Variants in CHRM3 observed in about 807,000 individuals in gnomAD.
The protein encoded by CHRM3 is muscarinic acetylcholine receptor M3.
In CHRM3, 11 loss-of-function variants were observed where a neutral mutation model predicts 41.8. That is an observed-to-expected ratio of 0.26 (90% CI 0.17 to 0.44). The LOEUF (loss-of-function observed/expected upper bound fraction) is 0.44, where lower values mean the gene tolerates loss of function less well. Among genes scored for constraint, CHRM3 ranks in the 20% least tolerant of loss-of-function variants. The probability of loss-of-function intolerance (pLI) is 1.00; values close to 1 mark genes in which losing one functional copy is unlikely to be tolerated. For missense variants in CHRM3, 571 were observed against 745.4 expected (o/e 0.77, Z 2.72); for synonymous variants, 297 against 301.4 (o/e 0.99, Z 0.15).
intron 6 of CHRM3, among the ~76,000 whole-genome samples, chr1:239,863,425 C>T (rs1675807845): frequency 6.6e-6 from 1 of 152,148 alleles, no homozygotes; most frequent in Non-Finnish European, 1.5e-5. Context: ...ACTCACAATG[C>T]CCAAGAGAGC....
intron 5 of CHRM3, among the ~76,000 whole-genome samples, chr1:239,772,049 T>C (rs530487570): frequency 6.6e-6 from 1 of 152,300 alleles, no homozygotes; most frequent in South Asian, 2.1e-4. Context: ...TGCGTAAAAT[T>C]GAAAAGTCCA....
intron 3 of CHRM3, among the ~76,000 whole-genome samples, chr1:239,619,095 A>C (rs1361862595): frequency 1.3e-5 from 2 of 151,478 alleles, no homozygotes; most frequent in African/African-American, 4.8e-5. Flanking sequence ...TTGTATTTTT[A>C]GTAGAGATGG....
intron 6 of CHRM3, among the ~76,000 whole-genome samples, chr1:239,896,980 G>C (rs755274244): frequency 3.9e-5 from 6 of 152,100 alleles, no homozygotes; most frequent in African/African-American, 9.7e-5. Flanking sequence ...AAACTGCTGT[G>C]GGCCAGTCAG....
intron 6 of CHRM3, among the ~76,000 whole-genome samples, chr1:239,844,325 A>G (rs934805787): frequency 2.0e-5 from 3 of 152,144 alleles, no homozygotes; most frequent in African/African-American, 7.2e-5. Context: ...TAGGGATTTG[A>G]TATTTTTGGT....
intron 5 of CHRM3, among the ~76,000 whole-genome samples, chr1:239,786,600 A>G (rs2148831730): frequency 6.6e-6 from 1 of 152,346 alleles, no homozygotes; most frequent in East Asian, 1.9e-4. Flanking sequence ...TAAGCAGCTC[A>G]GGCAGGGACA....
chr1:239,890,563 A>G (rs572814512), intron 6 of CHRM3, among the ~76,000 whole-genome samples: 7 of 152,258 alleles, frequency 4.6e-5, no homozygotes, highest in Admixed American at 4.6e-4. Context: ...TATATATGCC[A>G]TATATTGAGG....
chr1:239,834,336 G>T (rs147588738), intron 6 of CHRM3, among the ~76,000 whole-genome samples: 2 of 128,670 alleles, frequency 1.6e-5, no homozygotes, highest in Non-Finnish European at 3.2e-5. Context: ...TTTTTGAGAC[G>T]GAGTCTCACC....
At chr1:239,434,393 A>G (rs974221017) in intron 1 of CHRM3, among the ~76,000 whole-genome samples, 3 of 152,300 alleles carry the variant, frequency 2.0e-5, no homozygotes, top group Admixed American at 1.3e-4. Context: ...CTCAAGATAA[A>G]CATCATCTTC....
At chr1:239,518,515 C>T (rs924730993) in intron 2 of CHRM3, among the ~76,000 whole-genome samples, 2 of 152,150 alleles carry the variant, frequency 1.3e-5, no homozygotes, top group African/African-American at 2.4e-5. Flanking sequence ...CAAATATGAC[C>T]AAAGGTAGAC....
At chr1:239,653,321 T>C (rs1016654289) in intron 4 of CHRM3, among the ~76,000 whole-genome samples, 1 of 152,078 alleles carries the variant, frequency 6.6e-6, no homozygotes, top group Non-Finnish European at 1.5e-5. Context: ...AGTGAGGAGT[T>C]TGATCAGACA....
chr1:239,728,764 C>T (rs555001999), intron 5 of CHRM3, among the ~76,000 whole-genome samples: 211 of 152,072 alleles, frequency 1.4e-3, no homozygotes, highest in African/African-American at 4.7e-3. Flanking sequence ...GTCAAAGAGT[C>T]TCCATTGTGT....
At chr1:239,563,981 GT>G (rs1187867074) in intron 3 of CHRM3, among the ~76,000 whole-genome samples, 1 of 152,122 alleles carries the variant, frequency 6.6e-6, no homozygotes, top group Non-Finnish European at 1.5e-5. Flanking sequence ...ACAGATTTCT[GT>G]AAAAATTTAA....
intron 3 of CHRM3, among the ~76,000 whole-genome samples, chr1:239,565,836 A>G (rs970259792): frequency 2.7e-4 from 41 of 151,786 alleles, no homozygotes; most frequent in Admixed American, 8.5e-4. Flanking sequence ...AGAGAAAATG[A>G]TATATGTTAA....
At chr1:239,716,775 G>C (rs76290292) in intron 5 of CHRM3, among the ~76,000 whole-genome samples, 2 of 152,078 alleles carry the variant, frequency 1.3e-5, no homozygotes, top group Non-Finnish European at 2.9e-5. Flanking sequence ...TAGAAGAAGG[G>C]AGGGGCCCAA....
intron 3 of CHRM3, among the ~76,000 whole-genome samples, chr1:239,604,036 T>TA (rs898454865): frequency 1.3e-5 from 2 of 152,180 alleles, no homozygotes; most frequent in Non-Finnish European, 2.9e-5. Flanking sequence ...AGGGGATTCA[T>TA]AAAATGTGTA....
At chr1:239,444,041 A>G (rs989112168) in intron 1 of CHRM3, among the ~76,000 whole-genome samples, 1 of 152,160 alleles carries the variant, frequency 6.6e-6, no homozygotes, top group Non-Finnish European at 1.5e-5. Context: ...TTGCAGTCAC[A>G]ATTTTTGAGT....
At position 239,907,434 on chromosome 1, in the gene CHRM3, C is replaced by CTA; in HGVS notation, c.-16_-15dup. 6.3e-7 allele frequency: 1 copy of CTA among 1,598,074 alleles called. No homozygotes were observed. The highest frequency in any genetic ancestry group is 8.6e-7 in the Non-Finnish European group (1 of 1,169,308). On this transcript the variant is annotated splice_region_variant and 5_prime_UTR_variant, in exon 7 of 7. In the 5' UTR this introduces an upstream ATG that the reference lacks. Coordinates refer to ENST00000676153, the MANE Select transcript of CHRM3 (RefSeq NM_001375978.1). This position sits in a 1 kb window ranked among gnomAD's most constrained non-coding sequence, Gnocchi z 5.4. ...CTGTCTCTTCTCTCTTTCCCCCAGACTATGTCAGAGAGTCACAATGACCTT... is the reference window on the plus strand; with the variant it reads ...CTGTCTCTTCTCTCTTTCCCCCAGACTATATGTCAGAGAGTCACAATGACCTT...
chr1:239,457,488 T>C (rs889289857), intron 1 of CHRM3, among the ~76,000 whole-genome samples: 1 of 152,208 alleles, frequency 6.6e-6, no homozygotes, highest in Non-Finnish European at 1.5e-5. Context: ...ATTTAATATG[T>C]ATAGTATAAA....
chr1:239,642,119 T>C (rs1671219734), intron 4 of CHRM3, among the ~76,000 whole-genome samples: 1 of 129,526 alleles, frequency 7.7e-6, no homozygotes, highest in Non-Finnish European at 1.7e-5. Context: ...CTTGTAGAGT[T>C]TCTGCCGAGA....
Sources: allele counts gnomAD v4.1 joint callset (sites outside exome capture counted in the v4.1 genomes callset), GRCh38; gene constraint gnomAD v4.1.1; non-coding constraint Gnocchi (gnomAD v3.1); transcripts MANE v1.5; gene names NCBI Gene and HGNC (gene_info 2026-07-23, HGNC 2026-07-21).